UBE3D: variants seen among roughly 807,000 people sequenced by gnomAD.
The protein encoded by UBE3D is E3 ubiquitin-protein ligase E3D.
UBE3D carries 48 observed loss-of-function variants against 49.6 expected under a neutral mutation model. The ratio of observed to expected loss-of-function variants is 0.97; its 90% CI spans 0.77 to 1.23. The LOEUF is 1.23. Among genes scored for constraint, UBE3D ranks in the 50% most tolerant of loss-of-function variants. The probability of loss-of-function intolerance (pLI) is 0.00; values close to 1 mark genes in which losing one functional copy is unlikely to be tolerated. For missense variants in UBE3D, 452 were observed against 468.4 expected (o/e 0.96, Z 0.32); for synonymous variants, 189 against 174.2 (o/e 1.08, Z -0.67).
At chr6:83,034,071 T>A (rs754894082) in intron 5 of UBE3D, among the ~76,000 whole-genome samples, 1 of 152,240 alleles carries the variant, frequency 6.6e-6, no homozygotes, top group Non-Finnish European at 1.5e-5. Flanking sequence ...CATTTTCTAG[T>A]GCCCTAATAT....
chr6:82,899,230 A>G (rs1348074367), intron 9 of UBE3D, among the ~76,000 whole-genome samples: 2 of 152,094 alleles, frequency 1.3e-5, no homozygotes, highest in African/African-American at 4.8e-5. Flanking sequence ...CAAACAAAAC[A>G]CCAAAAATGT....
intron 9 of UBE3D, among the ~76,000 whole-genome samples, chr6:82,954,039 G>A (rs1372984199): frequency 6.6e-6 from 1 of 152,208 alleles, no homozygotes; most frequent in Admixed American, 6.5e-5. Flanking sequence ...GAGCCAGTGT[G>A]CCTGGAGCAG....
chr6:82,971,878 T>A (rs1029011259), intron 8 of UBE3D, among the ~76,000 whole-genome samples: 2 of 152,156 alleles, frequency 1.3e-5, no homozygotes, highest in Admixed American at 1.3e-4. Context: ...TTATTTGGAG[T>A]TGCATTAGAG....
At chr6:83,055,974 A>G (rs1022668708) in intron 2 of UBE3D, among the ~76,000 whole-genome samples, 7 of 152,216 alleles carry the variant, frequency 4.6e-5, no homozygotes, top group Admixed American at 3.3e-4. Context: ...TCTGTTTTGC[A>G]TACTCTTTCA....
chr6:82,890,660 C>A (rs1770963243), downstream of UBE3D, among the ~76,000 whole-genome samples: 1 of 152,172 alleles, frequency 6.6e-6, no homozygotes, highest in South Asian at 2.1e-4. Flanking sequence ...CCACACTATG[C>A]CATCAGAAAG....
chr6:82,974,274 T>C (rs747906521), intron 8 of UBE3D, among the ~76,000 whole-genome samples: 13 of 152,154 alleles, frequency 8.5e-5, no homozygotes, highest in Admixed American at 3.3e-4. Flanking sequence ...CGGTCCCTTG[T>C]GCCGAAAAGG....
chr6:82,888,822 A>ATG (rs10624133), downstream of UBE3D, among the ~76,000 whole-genome samples: 49,416 of 152,022 alleles, frequency 0.33, 9,376 homozygotes, highest in African/African-American at 0.51. Context: ...TTGAACAATT[A>ATG]TGTTTGTCAT....
At chr6:83,013,086 C>T (rs562772197) in intron 8 of UBE3D, among the ~76,000 whole-genome samples, 1 of 152,266 alleles carries the variant, frequency 6.6e-6, no homozygotes, top group East Asian at 1.9e-4. Flanking sequence ...CTTACTTGTG[C>T]CTTCAGGACC....
chr6:83,041,868 T>C (rs1443736177), intron 4 of UBE3D, among the ~76,000 whole-genome samples: 2 of 152,200 alleles, frequency 1.3e-5, no homozygotes, highest in Non-Finnish European at 2.9e-5. Context: ...TTGAATAATA[T>C]TTTGACTCTT....
chr6:82,978,976 C>A (rs547434520), intron 8 of UBE3D, among the ~76,000 whole-genome samples: 12 of 152,098 alleles, frequency 7.9e-5, no homozygotes, highest in Non-Finnish European at 1.6e-4. Flanking sequence ...GAAACTAAAT[C>A]AGTTGGAATA....
At chr6:83,048,636 C>A (rs1783244943) in intron 3 of UBE3D, among the ~76,000 whole-genome samples, 1 of 152,100 alleles carries the variant, frequency 6.6e-6, no homozygotes, top group Non-Finnish European at 1.5e-5. Flanking sequence ...TGAATAAAAG[C>A]TATAATATGT....
At chr6:82,919,001 G>A (rs1773123479) in intron 9 of UBE3D, among the ~76,000 whole-genome samples, 1 of 152,112 alleles carries the variant, frequency 6.6e-6, no homozygotes. Flanking sequence ...TTGGCCTCCT[G>A]TGCAGAGAGT....
chr6:83,052,207 T>C (rs767273723), intron 3 of UBE3D, among the ~76,000 whole-genome samples: 36 of 152,172 alleles, frequency 2.4e-4, no homozygotes, highest in Non-Finnish European at 4.3e-4. Flanking sequence ...GTTAAGTAAC[T>C]TGCCCAGAGT....
At chr6:83,061,612 G>T (rs1784172629) in intron 1 of UBE3D, among the ~76,000 whole-genome samples, 1 of 152,228 alleles carries the variant, frequency 6.6e-6, no homozygotes, top group Non-Finnish European at 1.5e-5. Flanking sequence ...ATAAGGCACA[G>T]TGGTATAGCA....
chr6:83,031,908 A>G (rs1007430618), intron 5 of UBE3D, among the ~76,000 whole-genome samples: 3 of 152,226 alleles, frequency 2.0e-5, no homozygotes, highest in African/African-American at 7.2e-5. Flanking sequence ...TGTGGTGACA[A>G]GCCTGTGGGT....
At chr6:82,967,059 T>A (rs983097722) in intron 8 of UBE3D, among the ~76,000 whole-genome samples, 2 of 152,158 alleles carry the variant, frequency 1.3e-5, no homozygotes, top group Non-Finnish European at 2.9e-5. Flanking sequence ...AATGGGAAAA[T>A]CAAGCCCCAC....
chr6:82,998,957 T>C lies in UBE3D; in HGVS notation c.1010+20016A>G, dbSNP rs111770115. On this transcript the variant is annotated intron_variant, in intron 8 of 9. Transcript: ENST00000369747. Reference sequence around the variant, plus strand: ...GGTTAATATCACTATGAATTTGTGATCATGAACCTCAAATGGGCAATGAAC... The same window carrying C: ...GGTTAATATCACTATGAATTTGTGACCATGAACCTCAAATGGGCAATGAAC... Among the ~76,000 whole-genome samples, 1,284 of 152,296 alleles carry C rather than the reference T, an allele frequency of 8.4e-3. 14 individuals are homozygous for C. Among genetic ancestry groups the C allele is most frequent in the African/African-American group, 0.029 (1,198 of 41,560 alleles).
At position 83,044,418 on chromosome 6, in the gene UBE3D, G is replaced by T. The variant is rs1782881741; in HGVS notation, c.597+10C>A. The T allele has an allele frequency of 4.3e-6, 7 of 1,610,512 alleles. No individual in the cohort carries two copies. The highest frequency in any genetic ancestry group is 5.9e-6 in the Non-Finnish European group (7 of 1,177,152). The stretch of plus-strand genomic sequence containing the variant: ...TCTAAATTACCATTTATTTTGAAAT[G>T]ATATTTTACCAATTTACAATGGTTG... On this transcript the variant is annotated intron_variant, in intron 4 of 9. Transcript: ENST00000369747.
At chr6:82,952,380 T>TAA (rs142634987) in intron 9 of UBE3D, among the ~76,000 whole-genome samples, 2 of 151,360 alleles carry the variant, frequency 1.3e-5, no homozygotes, top group Admixed American at 6.6e-5. Context: ...CAGAAAGAAC[T>TAA]AAAAAAAATT....
Sources: gnomAD v4.1 joint callset for allele counts (sites outside exome capture counted in the v4.1 genomes callset) on GRCh38, gnomAD v4.1.1 for gene constraint, MANE v1.5 for transcripts, NCBI Gene and HGNC (gene_info 2026-07-23, HGNC 2026-07-21) for gene names.